The following KPNA5 variants were observed in gnomAD, a reference collection of about 807,000 sequenced individuals.
KPNA5 encodes importin subunit alpha-6.
A neutral mutation model predicts 71.3 loss-of-function variants in KPNA5; 46 were observed. The ratio of observed to expected loss-of-function variants is 0.65; its 90% CI spans 0.51 to 0.83. The LOEUF is 0.83. KPNA5 is among the 40% of genes least tolerant of loss of function. The probability of loss-of-function intolerance (pLI) is 0.00; values close to 1 mark genes in which losing one functional copy is unlikely to be tolerated. For missense variants in KPNA5, 547 were observed against 628.3 expected, an observed-to-expected ratio of 0.87 and a Z score of 1.38; for synonymous variants, 207 against 201.4, an observed-to-expected ratio of 1.03 and a Z score of -0.24.
At chr6:116,717,771 T>C (rs1340614480) in intron 8 of KPNA5, among the ~76,000 whole-genome samples, 2 of 152,108 alleles carry the variant, frequency 1.3e-5, no homozygotes, top group Admixed American at 1.3e-4. Flanking sequence ...CCCTTAAGGG[T>C]GCGCTGCCTC....
rs535688951 is a variant in KPNA5, at chr6:116,740,307, C to G, written c.*7984C>G. On this transcript the variant is annotated 3_prime_UTR_variant, in exon 14 of 14. Transcript: ENST00000368564. Reference sequence around the variant, plus strand: ...AACCACAATGAGATACCATCTCACACCAGTCAGAATGGCAATCATTAAAAA... The same window carrying G: ...AACCACAATGAGATACCATCTCACAGCAGTCAGAATGGCAATCATTAAAAA... 17 of 152,296 alleles carry G rather than the reference C, an allele frequency of 1.1e-4. No individual in the cohort carries two copies. Among genetic ancestry groups the G allele is most frequent in the African/African-American group, 3.8e-4 (16 of 41,566 alleles). 9.4% of individuals were successfully genotyped at this position (152,296 alleles called of 1,614,324 possible).
chr6:116,681,753 C>G (rs548588577), intron 1 of KPNA5, among the ~76,000 whole-genome samples: 24 of 152,220 alleles, frequency 1.6e-4, no homozygotes, highest in African/African-American at 5.5e-4. Flanking sequence ...GGTTCCATCC[C>G]GAGGGCCTCC....
At chr6:116,684,301 A>G (rs1777485457) in intron 1 of KPNA5, among the ~76,000 whole-genome samples, 1 of 152,108 alleles carries the variant, frequency 6.6e-6, no homozygotes, top group South Asian at 2.1e-4. Flanking sequence ...ATTTTGGTAA[A>G]TTAATCATGC....
At chr6:116,729,830 T>A in intron 13 of KPNA5, 89 bp downstream of exon 13, 1 of 779,398 alleles carries the variant, frequency 1.3e-6, no homozygotes, top group Non-Finnish European at 1.9e-6. Context: ...TTTTTTGTTG[T>A]AAAAGCAGTA....
intron 1 of KPNA5, among the ~76,000 whole-genome samples, chr6:116,682,491 C>G (rs192197913): frequency 6.6e-6 from 1 of 152,240 alleles, no homozygotes; most frequent in Admixed American, 6.5e-5. Context: ...TCAGGAGCAA[C>G]TCTCTCCCTC....
At chr6:116,725,365 T>C (rs1450657657) in intron 10 of KPNA5, among the ~76,000 whole-genome samples, 1 of 152,224 alleles carries the variant, frequency 6.6e-6, no homozygotes, top group Non-Finnish European at 1.5e-5. Flanking sequence ...TTAATGGTTG[T>C]AGAATTGGAT....
Position 116,739,362 on chromosome 6 carries a change from TG to T in KPNA5, c.*7041del, listed in dbSNP as rs1205362066. 2.0e-5 allele frequency: 3 copies of T among 152,060 alleles called. No individual in the cohort carries two copies. The highest frequency in any genetic ancestry group is 2.9e-5 in the Non-Finnish European group (2 of 68,010). The allele number at this position is 152,060 out of a possible 1,614,324, so 9.4% of individuals were successfully genotyped here. A position where few individuals can be genotyped will look rare whatever the true frequency, so the allele number is the denominator to read the frequency against. ...TGAAATAAAAGAGGATACAAAGAAA[TG>T]GAAGAACATTCCATGCTCATGGGTA... is the stretch of plus-strand genomic sequence containing the variant. On this transcript the variant is annotated 3_prime_UTR_variant, in exon 14 of 14. Coordinates refer to ENST00000368564, the MANE Select transcript of KPNA5 (RefSeq NM_001366306.2).
chr6:116,715,195 G>T (rs1362071884), intron 7 of KPNA5, among the ~76,000 whole-genome samples: 2 of 151,918 alleles, frequency 1.3e-5, no homozygotes, highest in Non-Finnish European at 2.9e-5. Flanking sequence ...TTTAACCTAG[G>T]TTCTTTGTAC....
At chr6:116,714,913 A>G (rs1778826868) in intron 7 of KPNA5, among the ~76,000 whole-genome samples, 1 of 152,202 alleles carries the variant, frequency 6.6e-6, no homozygotes, top group Non-Finnish European at 1.5e-5. Flanking sequence ...ACCCACAGTG[A>G]GAACTCAGGC....
rs969262420 is a variant in KPNA5, at chr6:116,735,650, A to G, written c.*3327A>G. 2.6e-5 allele frequency: 4 copies of G among 151,786 alleles called. No individual in the cohort carries two copies. The highest frequency in any genetic ancestry group is 9.7e-5 in the African/African-American group (4 of 41,432). 9.4% of individuals were successfully genotyped at this position (151,786 alleles called of 1,614,324 possible). ...ATATTTTAAAATTGCATTTATATAA[A>G]TGTGTCCATTTCATTTTTTCTTAAG... On this transcript the variant is annotated 3_prime_UTR_variant, in exon 14 of 14. Coordinates refer to ENST00000368564, the MANE Select transcript of KPNA5 (RefSeq NM_001366306.2).
In KPNA5 at chr6:116,716,231, T is replaced by G. The variant is rs1239472977; in HGVS notation, c.669T>G (p.Asn223Lys). The part of the protein sequence containing the change: ...ILPPLLELLT[N>K]SNRLTTTRNA... ...TTTTTCTTGGCAGGTTATTAACAAA[T>G]TCAAACAGACTCACAACAACAAGAA... is the stretch of plus-strand genomic sequence containing the variant. The change falls in exon 8 of 14, where the codon AAT becomes AAG. Residue 223 changes from asparagine (N) to lysine (K), a missense_variant. Transcript: ENST00000368564. The G allele has an allele frequency of 1.2e-6, 2 of 1,611,564 alleles. No homozygotes were observed. The highest frequency in any genetic ancestry group is 1.7e-6 in the Non-Finnish European group (2 of 1,179,336).
chr6:116,688,433 T>A (rs900151330), intron 1 of KPNA5, among the ~76,000 whole-genome samples: 3 of 152,104 alleles, frequency 2.0e-5, no homozygotes, highest in Non-Finnish European at 4.4e-5. Flanking sequence ...AAACTGAAGT[T>A]GGCACCCTGC....
Position 116,735,395 on chromosome 6 carries a change from CTG to C in KPNA5, c.*3075_*3076del, listed in dbSNP as rs1779636505. On this transcript the variant is annotated 3_prime_UTR_variant, in exon 14 of 14. Coordinates refer to ENST00000368564, the MANE Select transcript of KPNA5 (RefSeq NM_001366306.2). ...AGCAATCTACTGGCTGCTTGCGAAA[CTG>C]TGAAATCAAATTGTTCTTAACCTTT... is the stretch of plus-strand genomic sequence containing the variant. 6.6e-6 allele frequency: 1 copy of C among 151,658 alleles called. No homozygotes were observed. Among genetic ancestry groups the C allele is most frequent in the South Asian group, 2.1e-4 (1 of 4,836 alleles). 9.4% of individuals were successfully genotyped at this position (151,658 alleles called of 1,614,324 possible). A position where few individuals can be genotyped will look rare whatever the true frequency, so the allele number is the denominator to read the frequency against.
At chr6:116,718,032 G>A (rs565795421) in intron 8 of KPNA5, among the ~76,000 whole-genome samples, 2 of 151,990 alleles carry the variant, frequency 1.3e-5, no homozygotes, top group East Asian at 1.9e-4. Flanking sequence ...TCCTGGCACC[G>A]GCTGCCAATT....
chr6:116,713,473 T>C (rs933810307), intron 7 of KPNA5, among the ~76,000 whole-genome samples: 43 of 152,212 alleles, frequency 2.8e-4, no homozygotes, highest in African/African-American at 1.0e-3. Context: ...TTCTCTCTTT[T>C]TGCTTTCAAG....
At position 116,734,514 on chromosome 6, in the gene KPNA5, G is replaced by T. The variant is rs1779599783; in HGVS notation, c.*2191G>T. The T allele has an allele frequency of 6.6e-6, 1 of 151,544 alleles. No individual in the cohort carries two copies. The highest frequency in any genetic ancestry group is 1.5e-5 in the Non-Finnish European group (1 of 67,696). The allele number at this position is 151,544 out of a possible 1,614,324, so 9.4% of individuals were successfully genotyped here. A position where few individuals can be genotyped will look rare whatever the true frequency, so the allele number is the denominator to read the frequency against. On this transcript the variant is annotated 3_prime_UTR_variant, in exon 14 of 14. Coordinates refer to ENST00000368564, the MANE Select transcript of KPNA5 (RefSeq NM_001366306.2). The stretch of plus-strand genomic sequence containing the variant: ...ATTTATTTCCTTAAATATATTACTT[G>T]GGTAATTAATTTTAGATTTGATTGC...
intron 13 of KPNA5, among the ~76,000 whole-genome samples, chr6:116,731,447 T>C (rs897550053): frequency 2.0e-5 from 3 of 152,200 alleles, no homozygotes; most frequent in African/African-American, 4.8e-5. Flanking sequence ...TGCTTTTTTT[T>C]CTGTGATAAT....
intron 13 of KPNA5, among the ~76,000 whole-genome samples, chr6:116,730,617 C>T (rs1313513425): frequency 3.3e-5 from 5 of 152,104 alleles, no homozygotes; most frequent in Admixed American, 2.0e-4. Context: ...GATGTCTTCT[C>T]ATTTTGCTTT....
Position 116,692,346 on chromosome 6 carries a change from TCAA to T in KPNA5, c.297_299del (p.Gln100del). ...AGATGATTTTTTCTAATAATGCTGA[TCAA>T]CAGCTAACAGCAACACAGAAATTTA... On this transcript the variant is annotated inframe_deletion, in exon 4 of 14. Coordinates refer to ENST00000368564, the MANE Select transcript of KPNA5 (RefSeq NM_001366306.2). 3 of 1,606,882 alleles carry T rather than the reference TCAA, an allele frequency of 1.9e-6. No homozygotes were observed. Among genetic ancestry groups the T allele is most frequent in the Non-Finnish European group, 2.5e-6 (3 of 1,177,958 alleles).
Sources: allele counts gnomAD v4.1 joint callset (sites outside exome capture counted in the v4.1 genomes callset), GRCh38; gene constraint gnomAD v4.1.1; transcripts MANE v1.5; gene names NCBI Gene and HGNC (gene_info 2026-07-23, HGNC 2026-07-21).